Variants in DIP2C observed in about 807,000 individuals in gnomAD.
DIP2C encodes DIP2 acetate--CoA ligase C (putative), also known as disco-interacting protein 2 homolog C.
A neutral mutation model predicts 192.4 loss-of-function variants in DIP2C; 33 were observed. The ratio of observed to expected loss-of-function variants is 0.17; its 90% confidence interval spans 0.13 to 0.23. The LOEUF is 0.23. Ranked by LOEUF, DIP2C falls within the 10% of genes least tolerant of loss-of-function variation. DIP2C has a pLI of 1.00. For synonymous variants in DIP2C, 979 were observed against 864.1 expected (o/e 1.13, Z -2.33); for missense variants, 1,537 against 2,110.1 (o/e 0.73, Z 5.32).
intron 1 of DIP2C, among the ~76,000 whole-genome samples, chr10:604,654 T>C (rs1270744503): frequency 6.6e-6 from 1 of 152,260 alleles, no homozygotes; most frequent in Non-Finnish European, 1.5e-5. Flanking sequence ...CTCTTGATTA[T>C]AGTTTTTATC....
intron 31 of DIP2C, among the ~76,000 whole-genome samples, chr10:315,576 C>T (rs567410101): frequency 6.6e-6 from 1 of 152,298 alleles, no homozygotes; most frequent in Admixed American, 6.5e-5. Flanking sequence ...ATTACTTCCC[C>T]CTACTTAGTT....
chr10:527,775 C>G (rs926395097), intron 1 of DIP2C, among the ~76,000 whole-genome samples: 1 of 152,184 alleles, frequency 6.6e-6, no homozygotes, highest in Admixed American at 6.5e-5. Context: ...CTCTGTACAA[C>G]AGAAAATCCA....
At chr10:571,036 C>T (rs1053687654) in intron 1 of DIP2C, among the ~76,000 whole-genome samples, 2 of 152,218 alleles carry the variant, frequency 1.3e-5, no homozygotes, top group African/African-American at 2.4e-5. Flanking sequence ...CACGCTGGAC[C>T]GGCACTGGCC....
chr10:532,034 G>A (rs1588403304), intron 1 of DIP2C, among the ~76,000 whole-genome samples: 1 of 152,212 alleles, frequency 6.6e-6, no homozygotes, highest in East Asian at 1.9e-4. Context: ...GCAGATGGCT[G>A]CTGTTCCAAG....
intron 6 of DIP2C, among the ~76,000 whole-genome samples, chr10:417,567 T>C (rs957858922): frequency 1.3e-5 from 2 of 152,044 alleles, no homozygotes; most frequent in Non-Finnish European, 1.5e-5. Flanking sequence ...CTGCCTCACG[T>C]GAGGATGTGG....
chr10:520,877 T>C (rs544529510), intron 1 of DIP2C, among the ~76,000 whole-genome samples: 32 of 152,388 alleles, frequency 2.1e-4, no homozygotes, highest in African/African-American at 7.5e-4. Context: ...TTTTTATATA[T>C]GTTTTAATCA....
At position 390,328 on chromosome 10, in the gene DIP2C, G is replaced by A. The variant is rs764940799; in HGVS notation, c.1430C>T (p.Ser477Phe). The stretch of plus-strand genomic sequence containing the variant: ...TGGGAACCAGTCTCGGGGCGGTTTG[G>A]AGAGATGTTTAGACTCTGTGACAAA... The part of the protein sequence containing the change: ...LWFVTESKHL[S>F]KPPRDWFPHI... Residue 477 changes from serine to phenylalanine, a missense_variant, in exon 12 of 37, where the codon TCC (serine) becomes TTC (phenylalanine). Coordinates refer to ENST00000280886, the MANE Select transcript of DIP2C (RefSeq NM_014974.3). 3 of 1,613,894 alleles carry A rather than the reference G, an allele frequency of 1.9e-6. No homozygotes were observed. The highest frequency in any genetic ancestry group is 1.7e-6 in the Non-Finnish European group (2 of 1,180,028).
At chr10:619,397 C>A (rs1231270409) in intron 1 of DIP2C, among the ~76,000 whole-genome samples, 1 of 152,234 alleles carries the variant, frequency 6.6e-6, no homozygotes, top group Admixed American at 6.5e-5. Flanking sequence ...CTCCCTCAGC[C>A]TCTAGAGGCT....
intron 6 of DIP2C, among the ~76,000 whole-genome samples, chr10:416,815 C>G (rs566271768): frequency 9.4e-4 from 143 of 152,320 alleles, no homozygotes; most frequent in African/African-American, 3.3e-3. Flanking sequence ...GGGAAACCAT[C>G]ACCCAGAGCT....
chr10:293,401 T>C (rs908618166), intron 32 of DIP2C, among the ~76,000 whole-genome samples: 4 of 152,204 alleles, frequency 2.6e-5, no homozygotes, highest in Non-Finnish European at 4.4e-5. Flanking sequence ...TTTATGAATG[T>C]GCCGCTGAAA....
At chr10:618,689 A>G (rs1564276726) in intron 1 of DIP2C, among the ~76,000 whole-genome samples, 1 of 152,248 alleles carries the variant, frequency 6.6e-6, no homozygotes, top group Admixed American at 6.5e-5. Context: ...CAGCCTCTGA[A>G]ACCGTGGAAT....
intron 1 of DIP2C, among the ~76,000 whole-genome samples, chr10:635,011 C>T (rs181296012): frequency 6.5e-4 from 99 of 152,314 alleles, no homozygotes; most frequent in African/African-American, 2.4e-3. Flanking sequence ...TCCCAACTCT[C>T]GCTCAGGAAC....
At chr10:472,603 G>T in intron 2 of DIP2C, 54 bp from the exon 3 acceptor site, 2 of 1,454,148 alleles carry the variant, frequency 1.4e-6, no homozygotes, top group Non-Finnish European at 9.5e-7. Flanking sequence ...AGCGGAGTCA[G>T]CAGACTCTAA....
chr10:580,092 C>T (rs1305053273), intron 1 of DIP2C, among the ~76,000 whole-genome samples: 1 of 152,102 alleles, frequency 6.6e-6, no homozygotes, highest in Non-Finnish European at 1.5e-5. Flanking sequence ...CATACACATG[C>T]ACATTTGTAT....
At chr10:295,971 G>A (rs1955735675) in intron 32 of DIP2C, among the ~76,000 whole-genome samples, 1 of 152,212 alleles carries the variant, frequency 6.6e-6, no homozygotes, top group Admixed American at 6.5e-5. Context: ...GGGGTTGTTT[G>A]ACTCTTTCTT....
At chr10:548,535 C>G (rs1848423599) in intron 1 of DIP2C, among the ~76,000 whole-genome samples, 1 of 148,674 alleles carries the variant, frequency 6.7e-6, no homozygotes, top group Admixed American at 6.7e-5. Flanking sequence ...GGCAGGCAGG[C>G]AGGCAGGCAG....
intron 1 of DIP2C, among the ~76,000 whole-genome samples, chr10:606,395 C>T (rs1448758231): frequency 1.3e-5 from 2 of 151,354 alleles, no homozygotes; most frequent in Admixed American, 6.6e-5. Context: ...CTCACGGCCC[C>T]GCTGCCGTAA....
intron 25 of DIP2C, 22 bp downstream of exon 25, chr10:349,309 G>A: frequency 6.3e-7 from 1 of 1,592,554 alleles, no homozygotes; most frequent in Non-Finnish European, 8.5e-7. Flanking sequence ...TCTCTCAGGG[G>A]AAGCCCACCC....
chr10:329,576 G>C lies in DIP2C; in HGVS notation c.3610C>G (p.Leu1204Val). 1 of 1,614,182 alleles carries C rather than the reference G, an allele frequency of 6.2e-7. No homozygotes were observed. Among genetic ancestry groups the C allele is most frequent in the Non-Finnish European group, 8.5e-7 (1 of 1,180,026 alleles). ...CSVYSGHQSILIPPSELETNP... is the reference protein window; with the variant it reads ...CSVYSGHQSIVIPPSELETNP... ...GTTTCCAGCTCAGAGGGCGGGATCA[G>C]GATGGACTGGTGCCCAGAATACACA... Residue 1204 changes from leucine to valine, a missense_variant, in exon 30 of 37, where the codon CTG (leucine) becomes GTG (valine). Coordinates refer to ENST00000280886, the MANE Select transcript of DIP2C (RefSeq NM_014974.3).
Sources: gnomAD v4.1 joint callset for allele counts (sites outside exome capture counted in the v4.1 genomes callset) on GRCh38, gnomAD v4.1.1 for gene constraint, MANE v1.5 for transcripts, NCBI Gene and HGNC (gene_info 2026-07-23, HGNC 2026-07-21) for gene names.